Variants in FARP1 observed in about 807,000 individuals in gnomAD.
The protein encoded by FARP1 is FERM, ARHGEF and pleckstrin domain-containing protein 1.
A neutral mutation model predicts 128.8 loss-of-function variants in FARP1; 52 were observed. The ratio of observed to expected loss-of-function variants is 0.40; its 90% CI spans 0.32 to 0.51. The LOEUF (loss-of-function observed/expected upper bound fraction) is 0.51, where lower values mean the gene tolerates loss of function less well. Ranked by LOEUF, FARP1 falls within the 20% of genes least tolerant of loss-of-function variation. FARP1 has a pLI of 0.45. For synonymous variants in FARP1, 580 were observed against 551.8 expected (o/e 1.05, Z -0.72); for missense variants, 1,333 against 1,367.9 (o/e 0.97, Z 0.40).
chr13:98,383,864 A>G (rs114050926), intron 6 of FARP1: 47 of 152,316 alleles, frequency 3.1e-4, no homozygotes, highest in African/African-American at 1.1e-3. Context: ...AGACTTTGCA[A>G]TCTGATCTGT....
intron 6 of FARP1, among the ~76,000 whole-genome samples, chr13:98,382,962 A>G (rs1453548627): frequency 6.6e-6 from 1 of 152,232 alleles, no homozygotes; most frequent in African/African-American, 2.4e-5. Context: ...GCTGTTGGCC[A>G]TGAGCTCAAT....
At chr13:98,172,032 CAGCAGTT>C (rs1293669558) in intron 1 of FARP1, among the ~76,000 whole-genome samples, 10 of 152,274 alleles carry the variant, frequency 6.6e-5, no homozygotes, top group African/African-American at 2.2e-4. Context: ...CCTGTCAGTG[CAGCAGTT>C]CTCTTCTGGA....
At chr13:98,244,439 C>T in intron 2 of FARP1, 7 of 1,521,938 alleles carry the variant, frequency 4.6e-6, no homozygotes, top group Non-Finnish European at 6.2e-6. Context: ...TAAAAAACAA[C>T]AACAAAAAGC....
chr13:98,346,159 A>T lies in FARP1; in HGVS notation c.276+2293A>T, dbSNP rs144742105. Among the ~76,000 whole-genome samples the T allele has an allele frequency of 4.8e-3, 732 of 150,944 alleles. 6 individuals carry two copies. The highest frequency in any genetic ancestry group is 0.017 in the African/African-American group (693 of 41,134). On this transcript the variant is annotated intron_variant, in intron 3 of 26. Coordinates refer to ENST00000319562, the MANE Select transcript of FARP1 (RefSeq NM_005766.4). Reference sequence around the variant, plus strand: ...TGACTTGACTCTCTGTTAATTACTGAATTCCAGCCTGAGCTAATTGCATAT... The same window carrying T: ...TGACTTGACTCTCTGTTAATTACTGTATTCCAGCCTGAGCTAATTGCATAT...
chr13:98,256,948 G>GGTTT (rs59128917), intron 2 of FARP1, among the ~76,000 whole-genome samples: 3 of 77,076 alleles, frequency 3.9e-5, no homozygotes, highest in African/African-American at 1.2e-4. Context: ...TATATATGTG[G>GGTTT]ATATATATAT....
rs576744034 is a variant in FARP1, at chr13:98,224,137, G to A, written c.171+10724G>A. ...AAGACCAGAGGGCATTTGTGGAGTT[G>A]TTAGGTTATCACAACAATACCTTTT... On this transcript the variant is annotated intron_variant, in intron 2 of 26. Coordinates refer to ENST00000319562, the MANE Select transcript of FARP1 (RefSeq NM_005766.4). Among the ~76,000 whole-genome samples, 6 of 152,312 alleles carry A rather than the reference G, an allele frequency of 3.9e-5. No individual in the cohort carries two copies. The East Asian group carries it at 1.2e-3, about 29-fold the overall frequency.
chr13:98,389,055 G>A (rs1004460044), intron 9 of FARP1, among the ~76,000 whole-genome samples: 6 of 152,220 alleles, frequency 3.9e-5, no homozygotes, highest in South Asian at 2.1e-4. Flanking sequence ...TGTCCTGGGC[G>A]TCTGTCCCCA....
intron 2 of FARP1, among the ~76,000 whole-genome samples, chr13:98,285,121 A>G (rs957602681): frequency 6.6e-6 from 1 of 152,210 alleles, no homozygotes; most frequent in African/African-American, 2.4e-5. Flanking sequence ...ATGGAAATGC[A>G]TTCCATTCAA....
Position 98,446,098 on chromosome 13 carries a change from A to C in FARP1, c.2797A>C (p.Asn933His), listed in dbSNP as rs752761414. The C allele has an allele frequency of 6.2e-7, 1 of 1,611,080 alleles. No individual in the cohort carries two copies. Among genetic ancestry groups the C allele is most frequent in the East Asian group, 2.2e-5 (1 of 44,862 alleles). The change falls in exon 25 of 27, where the codon AAT (asparagine) becomes CAT (histidine). Residue 933 changes from asparagine to histidine, a missense_variant and splice_region_variant. Physicochemically the swap from Asn to His is moderately conservative, Grantham distance 68. Around this residue, in one of 2 missense-constraint regions of FARP1, gnomAD observed 1,009 missense variants for 969.8 expected, o/e 1.04. Coordinates refer to ENST00000319562, the MANE Select transcript of FARP1 (RefSeq NM_005766.4). ...TCTCACAGGCCTCCTTGCCTTTCAG[A>C]ATCAGTTGTCTGGAAACCTGCTGAG... is the stretch of plus-strand genomic sequence containing the variant. The part of the protein sequence containing the change: ...SMVDFSIAVE[N>H]QLSGNLLRKF...
chr13:98,447,157 C>T (rs1326795668), intron 26 of FARP1: 2 of 212,404 alleles, frequency 9.4e-6, no homozygotes, highest in African/African-American at 2.3e-5. Context: ...TTCATTTAGC[C>T]AAGAAAGAAA....
chr13:98,446,800 C>G lies in FARP1; in HGVS notation c.3039C>G (p.Ser1013Arg), dbSNP rs1376770800. The stretch of plus-strand genomic sequence containing the variant: ...ACGTCTACTACTTCAGGGCGGAAAG[C>G]GAGTACACGTTCGAAAGGTAGACAC... ...KSHVYYFRAE[S>R]EYTFERWMEV... Residue 1013 changes from serine to arginine, a missense_variant, in exon 26 of 27, where the codon AGC becomes AGG. Around this residue, in one of 2 missense-constraint regions of FARP1, gnomAD observed 1,009 missense variants for 969.8 expected, o/e 1.04. Coordinates refer to ENST00000319562, the MANE Select transcript of FARP1 (RefSeq NM_005766.4). 1.9e-5 allele frequency: 31 copies of G among 1,613,980 alleles called. No homozygotes were observed. Among genetic ancestry groups the G allele is most frequent in the Non-Finnish European group, 2.6e-5 (31 of 1,180,004 alleles).
At chr13:98,337,588 T>TGTGTGTGTGTGTG (rs1566893935) in intron 2 of FARP1, among the ~76,000 whole-genome samples, 2 of 147,056 alleles carry the variant, frequency 1.4e-5, no homozygotes, top group Non-Finnish European at 1.5e-5. Context: ...TGTGTGTGTG[T>TGTGTGTGTGTGTG]TTTGAAATAA....
chr13:98,388,924 C>T lies in FARP1; in HGVS notation c.855+446C>T, dbSNP rs78925305. ...TCATTTTCATGGGCTAATTAGGTTC[C>T]CTTCCCCACTTACTTCCCACAACAC... is the stretch of plus-strand genomic sequence containing the variant. On this transcript the variant is annotated intron_variant, in intron 9 of 26. Transcript: ENST00000319562. Among the ~76,000 whole-genome samples the T allele has an allele frequency of 2.0e-3, 310 of 152,344 alleles. 1 individual carries two copies. Among genetic ancestry groups the T allele is most frequent in the African/African-American group, 7.1e-3 (296 of 41,574 alleles).
intron 2 of FARP1, among the ~76,000 whole-genome samples, chr13:98,334,931 A>C (rs754721545): frequency 8.5e-5 from 13 of 152,138 alleles, no homozygotes; most frequent in Non-Finnish European, 1.5e-4. Flanking sequence ...TGTTTAAGCC[A>C]CCCAGTGCGT....
At position 98,431,100 on chromosome 13, in the gene FARP1, A is replaced by G. The variant is rs1472805652; in HGVS notation, c.1963A>G (p.Ile655Val). The change falls in exon 18 of 27, where the codon ATC (isoleucine) becomes GTC (valine). Residue 655 changes from isoleucine to valine, a missense_variant. Around this residue, in one of 2 missense-constraint regions of FARP1, gnomAD observed 1,009 missense variants for 969.8 expected, o/e 1.04. Coordinates refer to ENST00000319562, the MANE Select transcript of FARP1 (RefSeq NM_005766.4). ...SEALEALENG[I>V]KSSRRLENFC... is the part of the protein sequence containing the mutation. Reference sequence around the variant, plus strand: ...GGCCTTGGAGGCCCTGGAGAATGGAATCAAGAGCTCCCGGCGGCTGGAGAA... The same window carrying G: ...GGCCTTGGAGGCCCTGGAGAATGGAGTCAAGAGCTCCCGGCGGCTGGAGAA... 1 of 1,614,154 alleles carries G rather than the reference A, an allele frequency of 6.2e-7. No homozygotes were observed. Among genetic ancestry groups the G allele is most frequent in the Non-Finnish European group, 8.5e-7 (1 of 1,180,020 alleles).
intron 1 of FARP1, among the ~76,000 whole-genome samples, chr13:98,203,238 A>G (rs1406004225): frequency 6.6e-6 from 1 of 152,086 alleles, no homozygotes; most frequent in Non-Finnish European, 1.5e-5. Flanking sequence ...ACATTTTTAG[A>G]TTTATGGAGG....
intron 1 of FARP1, among the ~76,000 whole-genome samples, chr13:98,179,835 T>A (rs1485435993): frequency 1.3e-5 from 2 of 151,974 alleles, no homozygotes; most frequent in Non-Finnish European, 1.5e-5. Flanking sequence ...CCAGCCTGGG[T>A]GACTGAGCAA....
At chr13:98,177,952 C>T (rs1317175211) in intron 1 of FARP1, 1 of 152,154 alleles carries the variant, frequency 6.6e-6, no homozygotes, top group Non-Finnish European at 1.5e-5. Context: ...TAATCCCTCC[C>T]CTCAAAGATA....
At position 98,317,348 on chromosome 13, in the gene FARP1, C is replaced by G. The variant is rs9584794; in HGVS notation, c.172-26414C>G. On this transcript the variant is annotated intron_variant, in intron 2 of 26. Transcript: ENST00000319562. ...GATCATAGCTTACTGCAGCCATGAA[C>G]TCCTGGGCTCAAGGGATCCGCCTGC... is the stretch of plus-strand genomic sequence containing the variant. Among the ~76,000 whole-genome samples the G allele has an allele frequency of 4.9e-3, 739 of 152,342 alleles. 11 individuals carry two copies. The highest frequency in any genetic ancestry group is 0.017 in the African/African-American group (701 of 41,572).
Sources: gnomAD v4.1 joint callset for allele counts (sites outside exome capture counted in the v4.1 genomes callset) on GRCh38, gnomAD v4.1.1 for gene constraint, gnomAD v4.1.1 regional missense constraint, MANE v1.5 for transcripts, NCBI Gene and HGNC (gene_info 2026-07-23, HGNC 2026-07-21) for gene names.